The following TASP1 variants were observed in gnomAD, a reference collection of about 807,000 sequenced individuals.
The protein encoded by TASP1 is taspase 1.
Under a neutral mutation model 56.6 loss-of-function variants are expected in TASP1, and 16 were observed. The ratio of observed to expected loss-of-function variants is 0.28; its 90% confidence interval spans 0.19 to 0.43. TASP1 has a LOEUF of 0.43. Among genes scored for constraint, TASP1 ranks in the 20% least tolerant of loss-of-function variants. TASP1 has a pLI of 1.00. For missense variants in TASP1, 393 were observed against 511.6 expected (o/e 0.77, Z 2.24); for synonymous variants, 179 against 184.2 (o/e 0.97, Z 0.23).
the TASP1 span, among the ~76,000 whole-genome samples, chr20:13,383,283 T>C: frequency 1.3e-5 from 2 of 152,154 alleles, no homozygotes; most frequent in Admixed American, 6.5e-5. Context: ...CCTATTGTAA[T>C]AACTCAGGCA....
At chr20:13,288,791 C>CTT in the TASP1 span, 13,547 of 956,656 alleles carry the variant, frequency 0.014, 1 homozygote, top group Non-Finnish European at 0.016. Context: ...CTTTTCTTTT[C>CTT]TTTTTTTTTT....
chr20:13,430,352 A>G (rs1175041204), intron 12 of TASP1, among the ~76,000 whole-genome samples: 1 of 152,222 alleles, frequency 6.6e-6, no homozygotes, highest in Non-Finnish European at 1.5e-5. Context: ...GTGGTTCTTT[A>G]GCAGGCTCTC....
At chr20:13,623,303 T>C (rs1387013798) in intron 4 of TASP1, 143 bp downstream of exon 4, 6 of 547,276 alleles carry the variant, frequency 1.1e-5, no homozygotes, top group Non-Finnish European at 1.9e-5. Flanking sequence ...AACAATATCA[T>C]AGGCTTCTTC....
chr20:13,284,177 C>T, the TASP1 span, among the ~76,000 whole-genome samples: 2 of 152,226 alleles, frequency 1.3e-5, no homozygotes, highest in Non-Finnish European at 2.9e-5. Context: ...CCTCAGTAAT[C>T]GGTAGACACT....
At chr20:13,194,769 C>T in the TASP1 span, among the ~76,000 whole-genome samples, 6 of 152,202 alleles carry the variant, frequency 3.9e-5, no homozygotes, top group South Asian at 1.2e-3. Context: ...TAGTTTGCTA[C>T]CATGTTTCAC....
chr20:13,542,336 C>T (rs918010714), intron 8 of TASP1, among the ~76,000 whole-genome samples: 3 of 151,984 alleles, frequency 2.0e-5, no homozygotes, highest in African/African-American at 7.2e-5. Context: ...CAAGGAAATA[C>T]AATATTTCTA....
intron 13 of TASP1, among the ~76,000 whole-genome samples, chr20:13,394,674 A>G (rs1361194869): frequency 6.6e-6 from 1 of 151,780 alleles, no homozygotes; most frequent in African/African-American, 2.4e-5. Context: ...TCCACTTTCC[A>G]GTTGATGGCA....
chr20:13,360,481 C>G, the TASP1 span, among the ~76,000 whole-genome samples: 1 of 152,134 alleles, frequency 6.6e-6, no homozygotes, highest in Non-Finnish European at 1.5e-5. Context: ...TCCTTTCCTT[C>G]CTAGGCATGG....
At chr20:13,212,017 T>G in the TASP1 span, among the ~76,000 whole-genome samples, 13 of 152,196 alleles carry the variant, frequency 8.5e-5, no homozygotes, top group African/African-American at 3.1e-4. Flanking sequence ...TCATTCATAC[T>G]AATGAAATGG....
chr20:13,630,779 A>T (rs1037256578), intron 1 of TASP1, among the ~76,000 whole-genome samples: 2 of 151,704 alleles, frequency 1.3e-5, no homozygotes, highest in East Asian at 1.9e-4. Flanking sequence ...ATTCCAAAAT[A>T]AAAAAAAGCA....
the TASP1 span, among the ~76,000 whole-genome samples, chr20:13,318,591 T>A: frequency 6.6e-6 from 1 of 152,246 alleles, no homozygotes; most frequent in Non-Finnish European, 1.5e-5. Context: ...AGCCAAGATG[T>A]CCTTCAGTAG....
chr20:13,415,547 T>G (rs2042227804), intron 13 of TASP1, among the ~76,000 whole-genome samples: 2 of 151,620 alleles, frequency 1.3e-5, no homozygotes, highest in Middle Eastern at 3.2e-3. Context: ...AAAACATAAT[T>G]TACAAGAGAG....
the TASP1 span, among the ~76,000 whole-genome samples, chr20:13,201,437 G>T: frequency 2.6e-5 from 4 of 152,044 alleles, no homozygotes; most frequent in East Asian, 7.7e-4. Context: ...GGTGGATGAT[G>T]GCACTTAATT....
the TASP1 span, among the ~76,000 whole-genome samples, chr20:13,246,320 C>T: frequency 6.6e-6 from 1 of 151,744 alleles, no homozygotes; most frequent in African/African-American, 2.4e-5. Flanking sequence ...TAGAAATGGG[C>T]CCACTTCTGA....
the TASP1 span, among the ~76,000 whole-genome samples, chr20:13,371,861 C>T: frequency 6.6e-6 from 1 of 152,082 alleles, no homozygotes. Context: ...TTATAAATTC[C>T]TAATGAATTG....
chr20:13,395,314 T>C (rs1381838625), intron 13 of TASP1, among the ~76,000 whole-genome samples: 1 of 152,248 alleles, frequency 6.6e-6, no homozygotes, highest in East Asian at 1.9e-4. Context: ...AAAGCAGGAC[T>C]CTAGCCTCCT....
intron 13 of TASP1, among the ~76,000 whole-genome samples, chr20:13,394,525 T>C (rs1372053871): frequency 1.3e-5 from 2 of 151,818 alleles, no homozygotes; most frequent in Non-Finnish European, 2.9e-5. Context: ...GGCTGGAGAA[T>C]GGTGTGAACC....
At chr20:13,465,178 CAAAA>C (rs771255579) in intron 11 of TASP1, among the ~76,000 whole-genome samples, 4 of 57,252 alleles carry the variant, frequency 7.0e-5, no homozygotes, top group African/African-American at 1.2e-4. Flanking sequence ...TTCTCTCTCC[CAAAA>C]AAAAAAAAAA....
chr20:13,155,431 A>G, the TASP1 span, among the ~76,000 whole-genome samples: 4 of 152,216 alleles, frequency 2.6e-5, no homozygotes, highest in African/African-American at 9.6e-5. Context: ...CTTACTTGTG[A>G]AAACTCATGG....
Sources: allele counts gnomAD v4.1 joint callset (sites outside exome capture counted in the v4.1 genomes callset), GRCh38; gene constraint gnomAD v4.1.1; transcripts MANE v1.5; gene names NCBI Gene and HGNC (gene_info 2026-07-23, HGNC 2026-07-21).